The following GRID1 variants were observed in gnomAD, a reference collection of about 807,000 sequenced individuals.
The protein encoded by GRID1 is glutamate ionotropic receptor delta type subunit 1, also known as glutamate receptor ionotropic, delta-1.
GRID1 carries 28 observed loss-of-function variants against 98.0 expected under a neutral mutation model. The ratio of observed to expected loss-of-function variants is 0.29; its 90% CI spans 0.21 to 0.39. The LOEUF (loss-of-function observed/expected upper bound fraction) is 0.39. Among genes scored for constraint, GRID1 ranks in the 10% least tolerant of loss-of-function variants. The pLI is 1.00. For missense variants in GRID1, 1,111 were observed against 1,340.5 expected (o/e 0.83, Z 2.67); for synonymous variants, 553 against 538.5 (o/e 1.03, Z -0.37).
At chr10:85,770,541 A>G (rs1370571589) in intron 8 of GRID1, among the ~76,000 whole-genome samples, 1 of 152,182 alleles carries the variant, frequency 6.6e-6, no homozygotes, top group Non-Finnish European at 1.5e-5. Context: ...TACAGGAGGA[A>G]ATTCAAACCA....
chr10:85,704,316 A>G (rs900697810), intron 12 of GRID1, among the ~76,000 whole-genome samples: 5 of 152,190 alleles, frequency 3.3e-5, no homozygotes, highest in Admixed American at 3.3e-4. Flanking sequence ...AGGGGTTGCA[A>G]TCCTAGTCTC....
chr10:85,898,086 G>A lies in GRID1; in HGVS notation c.780+18100C>T, dbSNP rs565523053. ...GATGGAACAGCCAACTGCACACCTA[G>A]GCTATATGGCATAGCCTACTGTTCT... is the stretch of plus-strand genomic sequence containing the variant. On this transcript the variant is annotated intron_variant, in intron 5 of 15. Coordinates refer to ENST00000327946, the MANE Select transcript of GRID1 (RefSeq NM_017551.3). 1.2e-4 allele frequency among the ~76,000 whole-genome samples: 18 copies of A among 152,290 alleles called. 1 individual carries two copies. The South Asian group carries it at 3.3e-3, about 28-fold the overall frequency.
intron 4 of GRID1, among the ~76,000 whole-genome samples, chr10:85,959,970 C>T (rs1374220826): frequency 6.6e-6 from 1 of 152,108 alleles, no homozygotes; most frequent in East Asian, 1.9e-4. Flanking sequence ...TAACCTCCGC[C>T]TTCTGGGTTC....
At chr10:85,619,574 C>T (rs1842833559) in intron 14 of GRID1, among the ~76,000 whole-genome samples, 1 of 152,120 alleles carries the variant, frequency 6.6e-6, no homozygotes, top group Non-Finnish European at 1.5e-5. Context: ...TTTCTCCCTG[C>T]CTCTACCCTA....
chr10:86,149,268 T>G (rs1589388333), intron 3 of GRID1, among the ~76,000 whole-genome samples: 1 of 152,352 alleles, frequency 6.6e-6, no homozygotes, highest in East Asian at 1.9e-4. Flanking sequence ...GAAACAAGTT[T>G]CTGCCTCTAA....
intron 5 of GRID1, among the ~76,000 whole-genome samples, chr10:85,901,227 T>TTTTATTTTATTTATTTATTTA (rs1554838758): frequency 1.4e-5 from 2 of 146,338 alleles, no homozygotes; most frequent in African/African-American, 5.2e-5. Flanking sequence ...TTTTATTTTA[T>TTTTATTTTATTTATTTATTTA]TTTATTTATT....
chr10:85,867,401 C>T (rs1463945815), intron 6 of GRID1, among the ~76,000 whole-genome samples: 5 of 152,072 alleles, frequency 3.3e-5, no homozygotes, highest in African/African-American at 1.2e-4. Context: ...CTAGAAAGAC[C>T]CTGCAGGGAG....
intron 8 of GRID1, among the ~76,000 whole-genome samples, chr10:85,775,169 CT>C (rs1353694637): frequency 6.6e-6 from 1 of 152,146 alleles, no homozygotes; most frequent in Non-Finnish European, 1.5e-5. Flanking sequence ...AGTTCATGTC[CT>C]TTGTAGGGAT....
chr10:85,824,252 G>A (rs112559760), intron 8 of GRID1, among the ~76,000 whole-genome samples: 2,487 of 152,192 alleles, frequency 0.016, 68 homozygotes, highest in African/African-American at 0.056. Context: ...ACGATCCGGC[G>A]AGAGACTGGA....
rs371703889 is a variant in GRID1 at position 85,723,078 on chromosome 10, G to A, written c.1922C>T (p.Thr641Met). 1.1e-5 allele frequency: 17 copies of A among 1,612,252 alleles called. No individual in the cohort carries two copies. Among genetic ancestry groups the A allele is most frequent in the African/African-American group, 4.0e-5 (3 of 74,934 alleles). The change falls in exon 12 of 16, where the codon ACG becomes ATG. Residue 641 changes from threonine (T) to methionine (M), a missense_variant. Physicochemically the swap from Thr to Met is moderately conservative, Grantham distance 81 (BLOSUM62 -1). Around this residue, in one of 3 missense-constraint regions of GRID1, gnomAD observed 762 missense variants for 869.1 expected, o/e 0.88. Transcript: ENST00000327946. The part of the protein sequence containing the change: ...RIVMGSWWLF[T>M]LIVCSSYTAN... Reference sequence around the variant, plus strand: ...TGTGTAGGAGGAGCACACAATGAGCGTGAAGAGCCACCAGCTGCCCATCAC... The same window carrying A: ...TGTGTAGGAGGAGCACACAATGAGCATGAAGAGCCACCAGCTGCCCATCAC...
chr10:85,833,200 A>C (rs1322335811), intron 8 of GRID1, among the ~76,000 whole-genome samples: 1 of 152,206 alleles, frequency 6.6e-6, no homozygotes, highest in African/African-American at 2.4e-5. Context: ...TGCCACAAGC[A>C]GTCCCCAGCC....
chr10:86,140,799 T>C (rs898942380), intron 3 of GRID1, among the ~76,000 whole-genome samples: 3 of 152,204 alleles, frequency 2.0e-5, no homozygotes, highest in African/African-American at 7.2e-5. Context: ...AACTACCATT[T>C]TCCTGGGACT....
At chr10:86,060,973 G>A (rs1416192143) in intron 4 of GRID1, among the ~76,000 whole-genome samples, 1 of 152,098 alleles carries the variant, frequency 6.6e-6, no homozygotes, top group Non-Finnish European at 1.5e-5. Flanking sequence ...AGAAGGCAGA[G>A]CAGCCTCCAC....
intron 15 of GRID1, among the ~76,000 whole-genome samples, chr10:85,612,709 G>T (rs1394436246): frequency 1.3e-5 from 2 of 151,810 alleles, no homozygotes; most frequent in African/African-American, 4.8e-5. Context: ...GGTCTCCGGG[G>T]GACCTTGGTG....
At chr10:86,329,770 T>C (rs1848111215) in intron 2 of GRID1, among the ~76,000 whole-genome samples, 1 of 151,990 alleles carries the variant, frequency 6.6e-6, no homozygotes, top group Admixed American at 6.6e-5. Context: ...TCTGGACAAC[T>C]CAGAATCCAA....
chr10:86,221,498 CTGTGGG>C (rs1198838884), intron 2 of GRID1, among the ~76,000 whole-genome samples: 35 of 152,270 alleles, frequency 2.3e-4, no homozygotes, highest in Non-Finnish European at 4.6e-4. Flanking sequence ...CCTTTGTGGG[CTGTGGG>C]CTGTGGGAGT....
At chr10:86,233,149 G>A (rs1031404054) in intron 2 of GRID1, among the ~76,000 whole-genome samples, 17 of 152,102 alleles carry the variant, frequency 1.1e-4, no homozygotes, top group Admixed American at 7.8e-4. Context: ...CGGCTGGAGC[G>A]TTTTAGGGAA....
At chr10:85,699,540 C>T (rs1015196195) in intron 12 of GRID1, among the ~76,000 whole-genome samples, 3 of 152,016 alleles carry the variant, frequency 2.0e-5, no homozygotes, top group Admixed American at 1.3e-4. Context: ...ATCATGCTTT[C>T]GATCTTGTAT....
intron 8 of GRID1, among the ~76,000 whole-genome samples, chr10:85,820,127 GAGAA>G (rs1425808391): frequency 3.0e-5 from 3 of 98,652 alleles, no homozygotes; most frequent in Admixed American, 9.9e-5. Context: ...AGAAAGAAGG[GAGAA>G]AGAAAGAAAC....
Sources: allele counts gnomAD v4.1 joint callset (sites outside exome capture counted in the v4.1 genomes callset), GRCh38; gene constraint gnomAD v4.1.1; regional missense constraint gnomAD v4.1.1; transcripts MANE v1.5; gene names NCBI Gene and HGNC (gene_info 2026-07-23, HGNC 2026-07-21).